KAZN: variants seen among roughly 807,000 people sequenced by gnomAD.
KAZN encodes the protein kazrin.
KAZN carries 40 observed loss-of-function variants against 87.4 expected under a neutral mutation model. The ratio of observed to expected loss-of-function variants is 0.46; its 90% CI spans 0.36 to 0.60. The LOEUF (loss-of-function observed/expected upper bound fraction) is 0.60, where lower values mean the gene tolerates loss of function less well. KAZN is among the 20% of genes least tolerant of loss of function. The pLI is 0.00. For missense variants in KAZN, 898 were observed against 1,073.9 expected, an observed-to-expected ratio of 0.84 and a Z score of 2.29; for synonymous variants, 466 against 458.3, an observed-to-expected ratio of 1.02 and a Z score of -0.22.
intron 1 of KAZN, among the ~76,000 whole-genome samples, chr1:14,058,439 TATATA>T (rs1642663180): frequency 6.6e-6 from 1 of 151,938 alleles, no homozygotes; most frequent in Non-Finnish European, 1.5e-5. Context: ...AAAGGGAAAA[TATATA>T]AAGAAGAAGA....
At chr1:14,380,573 T>G (rs1026027147) in intron 2 of KAZN, among the ~76,000 whole-genome samples, 1 of 152,134 alleles carries the variant, frequency 6.6e-6, no homozygotes, top group East Asian at 1.9e-4. Flanking sequence ...GCAATTAACA[T>G]ACTAAAAAAT....
Position 15,116,324 on chromosome 1 carries a change from T to C in KAZN, c.*1689T>C, listed in dbSNP as rs912848876. ...TCTCATGGGGGAAGCCGAGCTCTGATGAACTTGAGAATTACACCTCTCTCA... is the reference window on the plus strand; with the variant it reads ...TCTCATGGGGGAAGCCGAGCTCTGACGAACTTGAGAATTACACCTCTCTCA... On this transcript the variant is annotated 3_prime_UTR_variant, in exon 15 of 15. Coordinates refer to ENST00000376030, the MANE Select transcript of KAZN (RefSeq NM_201628.3). 6.6e-6 allele frequency: 1 copy of C among 152,212 alleles called. No homozygotes were observed. The highest frequency in any genetic ancestry group is 1.5e-5 in the Non-Finnish European group (1 of 68,030). The allele number at this position is 152,212 out of a possible 1,614,324, so 9.4% of individuals were successfully genotyped here. A position where few individuals can be genotyped will look rare whatever the true frequency, so the allele number is the denominator to read the frequency against.
Position 14,090,012 on chromosome 1 carries a change from C to CTT in KAZN, c.92-90413_92-90412dup, listed in dbSNP as rs61661596. On this transcript the variant is annotated intron_variant, in intron 1 of 16. Coordinates refer to the KAZN transcript ENST00000636203. ...CTTTGGTTCTCTGTAAATAATGCATCTTTTTTTTTTTCCTGTGGCAGCTTT... is the reference window on the plus strand; with the variant it reads ...CTTTGGTTCTCTGTAAATAATGCATCTTTTTTTTTTTTTCCTGTGGCAGCTTT... Among the ~76,000 whole-genome samples, 4 of 146,490 alleles carry CTT rather than the reference C, an allele frequency of 2.7e-5. No individual in the cohort carries two copies. The South Asian group carries it at 6.5e-4, about 24-fold the overall frequency.
At position 14,960,045 on chromosome 1, in the gene KAZN, G is replaced by C. The variant is rs1663654798; in HGVS notation, c.227-639G>C. 1.3e-5 allele frequency among the ~76,000 whole-genome samples: 2 copies of C among 152,208 alleles called. 1 individual carries two copies. The highest frequency in any genetic ancestry group is 2.9e-5 in the Non-Finnish European group (2 of 68,046). ...CTCATTAGACCCTATTTTCCTGCAG[G>C]ACAGTCAGGTGCAAATGCACAAGTT... On this transcript the variant is annotated intron_variant, in intron 1 of 14. Transcript: ENST00000376030.
At chr1:14,705,243 T>A (rs1642149445) in intron 1 of KAZN, among the ~76,000 whole-genome samples, 1 of 152,200 alleles carries the variant, frequency 6.6e-6, no homozygotes, top group Non-Finnish European at 1.5e-5. Flanking sequence ...CAGATTGGAT[T>A]ACAGCCCCAC....
intron 1 of KAZN, among the ~76,000 whole-genome samples, chr1:13,914,666 C>T (rs1190521825): frequency 6.6e-6 from 1 of 152,134 alleles, no homozygotes; most frequent in Non-Finnish European, 1.5e-5. Context: ...GTGGCAAAAC[C>T]TTAGAGCCCT....
intron 8 of KAZN, 160 bp downstream of exon 8, chr1:15,065,913 G>A: frequency 6.9e-7 from 1 of 1,454,916 alleles, no homozygotes; most frequent in Non-Finnish European, 9.0e-7. Flanking sequence ...GTGTGCGCTG[G>A]CACACATGGG....
intron 1 of KAZN, among the ~76,000 whole-genome samples, chr1:14,063,836 C>T (rs1008082966): frequency 3.9e-5 from 6 of 152,118 alleles, no homozygotes; most frequent in Admixed American, 1.3e-4. Flanking sequence ...ATGGGAGTTC[C>T]GCGGCATAGG....
intron 1 of KAZN, among the ~76,000 whole-genome samples, chr1:14,054,095 G>A (rs1041258402): frequency 8.6e-5 from 13 of 151,014 alleles, no homozygotes; most frequent in Non-Finnish European, 1.5e-4. Flanking sequence ...TGGTTTGTCC[G>A]TGAGTTTTTT....
chr1:14,971,972 C>T (rs1665099051), intron 2 of KAZN, among the ~76,000 whole-genome samples: 1 of 152,128 alleles, frequency 6.6e-6, no homozygotes, highest in Non-Finnish European at 1.5e-5. Context: ...TGCCAGTGGT[C>T]TCGGCTGCAG....
In KAZN at chr1:14,102,638, G is replaced by A. The variant is rs146781748; in HGVS notation, c.92-77797G>A. On this transcript the variant is annotated intron_variant, in intron 1 of 16. Coordinates refer to the KAZN transcript ENST00000636203. ...CATTTCCATGTTTTGGGGGATTATC[G>A]TCTCCCATCCTGGTGCCTTCAGGGC... Among the ~76,000 whole-genome samples the A allele has an allele frequency of 4.6e-5, 7 of 152,182 alleles. No homozygotes were observed. The South Asian group carries it at 8.3e-4, about 18-fold the overall frequency.
intron 2 of KAZN, among the ~76,000 whole-genome samples, chr1:14,430,176 C>T (rs1571625976): frequency 6.7e-6 from 1 of 148,184 alleles, no homozygotes; most frequent in East Asian, 2.0e-4. Flanking sequence ...GTTTAACATT[C>T]TAACACTGTC....
chr1:15,004,502 G>A (rs1276103232), intron 2 of KAZN, among the ~76,000 whole-genome samples: 4 of 152,234 alleles, frequency 2.6e-5, no homozygotes, highest in Admixed American at 2.6e-4. Context: ...TGCCTCACCT[G>A]TGAACTGGGG....
rs79005223 is a variant in KAZN at position 15,099,557 on chromosome 1, A to G, written c.1548-1986A>G. ...GGCCGGGGAGGGGAATGGGGGGTGA[A>G]GAGCTCAGTGCCTCCAGGAAACGGC... On this transcript the variant is annotated intron_variant, in intron 10 of 14. Coordinates refer to ENST00000376030, the MANE Select transcript of KAZN (RefSeq NM_201628.3). This position sits in a 1 kb window ranked among gnomAD's most constrained non-coding sequence, Gnocchi z 5.4. 5.4e-3 allele frequency among the ~76,000 whole-genome samples: 822 copies of G among 152,146 alleles called. 9 individuals carry two copies. The highest frequency in any genetic ancestry group is 0.019 in the African/African-American group (786 of 41,486).
At chr1:14,207,354 T>C (rs1340795490) in intron 2 of KAZN, among the ~76,000 whole-genome samples, 3 of 152,208 alleles carry the variant, frequency 2.0e-5, no homozygotes, top group Non-Finnish European at 4.4e-5. Context: ...TTGCTTATTG[T>C]CAGCTTCCTG....
chr1:14,949,710 T>A lies in KAZN; in HGVS notation c.227-10974T>A, dbSNP rs570738593. On this transcript the variant is annotated intron_variant, in intron 1 of 14. Coordinates refer to ENST00000376030, the MANE Select transcript of KAZN (RefSeq NM_201628.3). The surrounding 1 kb of genome is among the most constrained non-coding windows in gnomAD (Gnocchi z 4.3). ...AGTGGGGCTGGAGGTCTGCGATTCCTTGACTTCCCCAGGACATCCCTGCTT... is the reference window on the plus strand; with the variant it reads ...AGTGGGGCTGGAGGTCTGCGATTCCATGACTTCCCCAGGACATCCCTGCTT... Among the ~76,000 whole-genome samples the A allele has an allele frequency of 6.6e-6, 1 of 152,308 alleles. No homozygotes were observed. The highest frequency in any genetic ancestry group is 1.9e-4 in the East Asian group (1 of 5,190).
chr1:15,018,336 T>C (rs1030811802), intron 2 of KAZN, among the ~76,000 whole-genome samples: 7 of 152,142 alleles, frequency 4.6e-5, no homozygotes, highest in Non-Finnish European at 8.8e-5. Flanking sequence ...ATTTCCAGTC[T>C]TGCCATAAAA....
chr1:14,224,454 C>CA (rs1025992673), intron 2 of KAZN, among the ~76,000 whole-genome samples: 4 of 151,824 alleles, frequency 2.6e-5, no homozygotes, highest in African/African-American at 7.3e-5. Flanking sequence ...AGCAAAAAGA[C>CA]AAAAAAAGGA....
chr1:14,500,140 C>T (rs966829048), intron 2 of KAZN, among the ~76,000 whole-genome samples: 5 of 152,074 alleles, frequency 3.3e-5, no homozygotes, highest in African/African-American at 1.2e-4. Context: ...CCCAGGGCCC[C>T]CAAGTCATGA....
Sources: allele counts gnomAD v4.1 joint callset (sites outside exome capture counted in the v4.1 genomes callset), GRCh38; gene constraint gnomAD v4.1.1; non-coding constraint Gnocchi (gnomAD v3.1); transcripts MANE v1.5; gene names NCBI Gene and HGNC (gene_info 2026-07-23, HGNC 2026-07-21).